CCDC149: variants seen among roughly 807,000 people sequenced by gnomAD.
CCDC149 encodes the protein coiled-coil domain-containing protein 149.
CCDC149 carries 45 observed loss-of-function variants against 59.9 expected under a neutral mutation model. The observed-to-expected ratio is 0.75, with a 90% CI of 0.59 to 0.96. The LOEUF (loss-of-function observed/expected upper bound fraction) is 0.96. Among genes scored for constraint, CCDC149 ranks in the 40% least tolerant of loss-of-function variants. The pLI is 0.00. For synonymous variants in CCDC149, 245 were observed against 260.6 expected, an observed-to-expected ratio of 0.94 and a Z score of 0.58; for missense variants, 584 against 664.7, an observed-to-expected ratio of 0.88 and a Z score of 1.33.
intron 1 of CCDC149, among the ~76,000 whole-genome samples, chr4:24,901,878 C>T (rs1169006507): frequency 4.6e-5 from 7 of 152,202 alleles, no homozygotes; most frequent in Non-Finnish European, 8.8e-5. Flanking sequence ...TAGGGGTCTT[C>T]CTTTAGAATG....
intron 1 of CCDC149, among the ~76,000 whole-genome samples, chr4:24,880,033 G>A (rs1287142704): frequency 6.6e-6 from 1 of 152,066 alleles, no homozygotes; most frequent in Non-Finnish European, 1.5e-5. Flanking sequence ...GTAGCTTTTG[G>A]GATTCTAAAC....
At chr4:24,896,507 G>A (rs932238702) in intron 1 of CCDC149, among the ~76,000 whole-genome samples, 1 of 152,188 alleles carries the variant, frequency 6.6e-6, no homozygotes, top group African/African-American at 2.4e-5. Flanking sequence ...GCAGAAGAGA[G>A]TTAAAGCCTG....
intron 1 of CCDC149, among the ~76,000 whole-genome samples, chr4:24,964,551 T>C (rs184158477): frequency 6.6e-6 from 1 of 152,304 alleles, no homozygotes; most frequent in Admixed American, 6.5e-5. Flanking sequence ...TTATCAGAAT[T>C]TGAGATACCC....
intron 4 of CCDC149, among the ~76,000 whole-genome samples, chr4:24,842,702 G>A (rs892360573): frequency 6.6e-6 from 1 of 152,122 alleles, no homozygotes; most frequent in African/African-American, 2.4e-5. Flanking sequence ...ACGGCTTCTG[G>A]GTGTCCTGCC....
chr4:24,889,848 C>T (rs1430059966), intron 1 of CCDC149, among the ~76,000 whole-genome samples: 1 of 152,130 alleles, frequency 6.6e-6, no homozygotes, highest in East Asian at 1.9e-4. Flanking sequence ...AAAAAATACC[C>T]TAACACCCCT....
intron 4 of CCDC149, among the ~76,000 whole-genome samples, chr4:24,839,278 C>T (rs1267115263): frequency 6.6e-6 from 1 of 151,404 alleles, no homozygotes; most frequent in African/African-American, 2.4e-5. Context: ...CTCCTGGGTT[C>T]ACGCCATCCT....
At chr4:24,827,466 C>T (rs1012376994) in intron 9 of CCDC149, 22 of 152,264 alleles carry the variant, frequency 1.4e-4, no homozygotes, top group African/African-American at 5.3e-4. Context: ...GCCAATATGT[C>T]CTCATATATT....
intron 1 of CCDC149, among the ~76,000 whole-genome samples, chr4:24,901,809 A>T (rs925541106): frequency 6.6e-6 from 1 of 152,182 alleles, no homozygotes; most frequent in African/African-American, 2.4e-5. Context: ...CCATGCAGCA[A>T]GGGCCATCTT....
chr4:24,895,794 A>G (rs11936259), intron 1 of CCDC149, among the ~76,000 whole-genome samples: 67,758 of 151,976 alleles, frequency 0.45, 15,282 homozygotes, highest in African/African-American at 0.5. Flanking sequence ...GGCTCCCACA[A>G]CAGAGGGGCT....
intron 4 of CCDC149, among the ~76,000 whole-genome samples, chr4:24,847,153 G>T (rs1324723984): frequency 6.6e-6 from 1 of 152,258 alleles, no homozygotes; most frequent in South Asian, 2.1e-4. Flanking sequence ...TCTCTACTTG[G>T]GGGGACACAT....
In CCDC149 at chr4:24,837,399, A is replaced by G. The variant is rs1381404641; in HGVS notation, c.491T>C (p.Ile164Thr). 2.5e-6 allele frequency: 4 copies of G among 1,613,996 alleles called. No individual in the cohort carries two copies. The highest frequency in any genetic ancestry group is 1.3e-5 in the African/African-American group (1 of 75,020). The change falls in exon 6 of 13, where the codon ATT (isoleucine) becomes ACT (threonine). Residue 164 changes from isoleucine (I) to threonine (T), a missense_variant and splice_region_variant. Ile to Thr is a moderately conservative substitution (Grantham distance 89, BLOSUM62 -1). Coordinates refer to ENST00000635206, the MANE Select transcript of CCDC149 (RefSeq NM_001330643.2). This position sits in a 1 kb window ranked among gnomAD's most constrained non-coding sequence, Gnocchi z 4.3. ...CTGCAGGTCGTGCTCCAGAGACTCAATCTAAAACCACAGGGAGAGCCCTTA... is the reference window on the plus strand; with the variant it reads ...CTGCAGGTCGTGCTCCAGAGACTCAGTCTAAAACCACAGGGAGAGCCCTTA...
intron 3 of CCDC149, among the ~76,000 whole-genome samples, chr4:24,866,821 ACC>A (rs1251859575): frequency 3.2e-4 from 9 of 28,050 alleles, no homozygotes; most frequent in Non-Finnish European, 5.0e-4. Context: ...ACACACACAC[ACC>A]CACACACACA....
chr4:24,955,793 A>C (rs982765051), intron 1 of CCDC149, among the ~76,000 whole-genome samples: 1 of 152,196 alleles, frequency 6.6e-6, no homozygotes, highest in Non-Finnish European at 1.5e-5. Context: ...AGAGTGATGG[A>C]GATATGGTGG....
rs371790740 is a variant in CCDC149, at chr4:24,840,000, T to C, written c.373-1728A>G. 3.3e-5 allele frequency among the ~76,000 whole-genome samples: 5 copies of C among 152,218 alleles called. No homozygotes were observed. In the East Asian group the frequency reaches 5.8e-4, roughly 18 times the overall value. On this transcript the variant is annotated intron_variant, in intron 4 of 12. Coordinates refer to ENST00000635206, the MANE Select transcript of CCDC149 (RefSeq NM_001330643.2). ...AGGGATTCGTTGCCAGTCGAGAAAA[T>C]GGCTTAATTTTCAGAGTCTCTGAAG...
chr4:24,833,007 C>T (rs901967139), intron 8 of CCDC149, among the ~76,000 whole-genome samples: 19 of 152,118 alleles, frequency 1.2e-4, no homozygotes, highest in African/African-American at 3.9e-4. Context: ...CTTCTCCCGC[C>T]GTCTTTTTCT....
chr4:24,956,602 C>T (rs1361788052), intron 1 of CCDC149, among the ~76,000 whole-genome samples: 2 of 152,094 alleles, frequency 1.3e-5, no homozygotes, highest in Non-Finnish European at 2.9e-5. Flanking sequence ...GCGAGAAGTA[C>T]TATGGATGCC....
chr4:24,944,818 T>C (rs1723060972), intron 1 of CCDC149, among the ~76,000 whole-genome samples: 1 of 152,216 alleles, frequency 6.6e-6, no homozygotes. Flanking sequence ...TCATGTATGG[T>C]TTGAAAGGAT....
chr4:24,963,784 C>A (rs1286867663), intron 1 of CCDC149, among the ~76,000 whole-genome samples: 1 of 152,140 alleles, frequency 6.6e-6, no homozygotes, highest in African/African-American at 2.4e-5. Flanking sequence ...TTAAGGCATT[C>A]GTCATGAAAA....
At chr4:24,916,229 T>C (rs1722115140), upstream of CCDC149, among the ~76,000 whole-genome samples, 1 of 152,242 alleles carries the variant, frequency 6.6e-6, no homozygotes. Context: ...ACCAGTTTTA[T>C]TGATTTATTT....
Sources: gnomAD v4.1 joint callset for allele counts (sites outside exome capture counted in the v4.1 genomes callset) on GRCh38, gnomAD v4.1.1 for gene constraint, Gnocchi (gnomAD v3.1) non-coding constraint, MANE v1.5 for transcripts, NCBI Gene and HGNC (gene_info 2026-07-23, HGNC 2026-07-21) for gene names.